PRKCB: variants seen among roughly 807,000 people sequenced by gnomAD.
PRKCB encodes protein kinase C beta type.
In PRKCB, 13 loss-of-function variants were observed where a neutral mutation model predicts 81.5. The ratio of observed to expected loss-of-function variants is 0.16; its 90% confidence interval spans 0.10 to 0.25. The LOEUF is 0.25. PRKCB is among the 10% of genes least tolerant of loss of function. PRKCB has a pLI of 1.00. For missense variants in PRKCB, 509 were observed against 875.7 expected (o/e 0.58, Z 5.29); for synonymous variants, 335 against 321.4 (o/e 1.04, Z -0.45).
chr16:24,189,237 T>C (rs1374051219), intron 15 of PRKCB, among the ~76,000 whole-genome samples: 1 of 152,238 alleles, frequency 6.6e-6, no homozygotes, highest in Non-Finnish European at 1.5e-5. Flanking sequence ...GAGTCCTTAC[T>C]GTTCCTCAAC....
At chr16:24,131,311 GC>G (rs1567386250) in intron 9 of PRKCB, among the ~76,000 whole-genome samples, 1 of 152,290 alleles carries the variant, frequency 6.6e-6, no homozygotes, top group East Asian at 1.9e-4. Context: ...CCCATCTAGT[GC>G]TTGACTTCCC....
chr16:23,867,023 TC>T (rs1218503791), intron 2 of PRKCB, among the ~76,000 whole-genome samples: 2,480 of 95,278 alleles, frequency 0.026, 37 homozygotes, highest in African/African-American at 0.05. Flanking sequence ...CTTCCTTCCT[TC>T]CTTCCTTCCT....
At chr16:24,066,075 C>CTGTG (rs58216806) in intron 5 of PRKCB, among the ~76,000 whole-genome samples, 35,354 of 139,352 alleles carry the variant, frequency 0.25, 4,161 homozygotes, top group Middle Eastern at 0.35. Context: ...TGTGATGTTC[C>CTGTG]TGTGTGTGTG....
intron 5 of PRKCB, among the ~76,000 whole-genome samples, chr16:24,064,189 A>G (rs770837915): frequency 2.6e-5 from 4 of 152,184 alleles, no homozygotes; most frequent in Non-Finnish European, 4.4e-5. Context: ...AAAAAAAATC[A>G]TAGCAAATGG....
chr16:24,060,535 C>T (rs1596532229), intron 5 of PRKCB, among the ~76,000 whole-genome samples: 1 of 152,154 alleles, frequency 6.6e-6, no homozygotes, highest in African/African-American at 2.4e-5. Context: ...ACCAGGATCC[C>T]TCTCTCAGCA....
chr16:24,094,284 A>G lies in PRKCB; in HGVS notation c.808A>G (p.Ser270Gly). ...TGGGATTTCTGAACTTCAGAAAGCC[A>G]GTGTTGATGGCTGGTAAGTAAGATT... ...SFGISELQKA[S>G]VDGWFKLLSQ... Residue 270 changes from serine (S) to glycine (G), a missense_variant, in exon 7 of 17, where the codon AGT (serine) becomes GGT (glycine). Around this residue, in one of 6 missense-constraint regions of PRKCB, gnomAD observed 184 missense variants for 362.9 expected, o/e 0.51. Transcript: ENST00000643927. The G allele has an allele frequency of 2.5e-6, 4 of 1,614,152 alleles. No homozygotes were observed. Among genetic ancestry groups the G allele is most frequent in the Non-Finnish European group, 2.5e-6 (3 of 1,180,008 alleles).
At chr16:23,866,688 T>C (rs1439533823) in intron 2 of PRKCB, among the ~76,000 whole-genome samples, 1 of 152,206 alleles carries the variant, frequency 6.6e-6, no homozygotes, top group Admixed American at 6.5e-5. Context: ...TTTCTCGTGT[T>C]CCTCGGAAGT....
At chr16:24,095,871 C>G (rs1966432155) in intron 7 of PRKCB, among the ~76,000 whole-genome samples, 1 of 152,082 alleles carries the variant, frequency 6.6e-6, no homozygotes. Context: ...CTTGTGACCT[C>G]TGGAATAATG....
At chr16:23,847,396 C>T (rs1437125643) in intron 2 of PRKCB, among the ~76,000 whole-genome samples, 1 of 150,996 alleles carries the variant, frequency 6.6e-6, no homozygotes, top group African/African-American at 2.4e-5. Context: ...ATCTATCTAT[C>T]CATCCATCCA....
chr16:24,103,033 C>T (rs1040065387), intron 7 of PRKCB, among the ~76,000 whole-genome samples: 8 of 152,084 alleles, frequency 5.3e-5, no homozygotes, highest in East Asian at 3.9e-4. Context: ...CCACCACACC[C>T]GGCTAATTTT....
At chr16:24,187,249 G>A (rs1967717046) in intron 15 of PRKCB, among the ~76,000 whole-genome samples, 1 of 152,190 alleles carries the variant, frequency 6.6e-6, no homozygotes, top group South Asian at 2.1e-4. Context: ...GGAAACCATG[G>A]CCCTCTGTAG....
intron 2 of PRKCB, among the ~76,000 whole-genome samples, chr16:23,967,012 A>ATTTT (rs3043607): frequency 6.9e-4 from 101 of 147,314 alleles, no homozygotes; most frequent in African/African-American, 1.0e-3. Flanking sequence ...AGTGGTTTCC[A>ATTTT]TTTTTTTTTT....
At chr16:23,903,213 T>C (rs756643358) in intron 2 of PRKCB, among the ~76,000 whole-genome samples, 3 of 151,820 alleles carry the variant, frequency 2.0e-5, no homozygotes, top group Non-Finnish European at 4.4e-5. Flanking sequence ...AGGACAAAAA[T>C]ACATGGCCCC....
At chr16:24,102,917 G>A (rs370145152) in intron 7 of PRKCB, among the ~76,000 whole-genome samples, 4 of 152,156 alleles carry the variant, frequency 2.6e-5, no homozygotes, top group East Asian at 3.9e-4. Context: ...GTTTTGAGAC[G>A]GAGTTTTGCT....
intron 2 of PRKCB, among the ~76,000 whole-genome samples, chr16:23,959,227 T>C (rs748475597): frequency 3.9e-5 from 6 of 152,206 alleles, no homozygotes; most frequent in Admixed American, 6.5e-5. Context: ...AATCCTGCTG[T>C]GCGCCGAGCT....
chr16:24,182,514 C>A (rs940349945), intron 13 of PRKCB, among the ~76,000 whole-genome samples: 1 of 152,066 alleles, frequency 6.6e-6, no homozygotes, highest in African/African-American at 2.4e-5. Flanking sequence ...GAGCGAGACT[C>A]TGTCTCAAAA....
chr16:24,175,041 T>C (rs1293624191), intron 12 of PRKCB: 1 of 153,308 alleles, frequency 6.5e-6, no homozygotes, highest in Admixed American at 6.5e-5. Flanking sequence ...AAGACAGGAT[T>C]AAGTTCAGGA....
At position 23,950,132 on chromosome 16, in the gene PRKCB, A is replaced by AGGT. The variant is rs55986931; in HGVS notation, c.206-38376_206-38375insGGT. Among the ~76,000 whole-genome samples the AGGT allele has an allele frequency of 3.0e-4, 29 of 97,772 alleles. 1 individual carries two copies. The highest frequency in any genetic ancestry group is 4.3e-4 in the Non-Finnish European group (22 of 51,194). 64.1% of individuals were successfully genotyped at this position (97,772 alleles called of 152,430 possible). A position where few individuals can be genotyped will look rare whatever the true frequency, so the allele number is the denominator to read the frequency against. ...AGCAGCATTGGCCCCTATGATTTGA[A>AGGT]TTTTTTTTTTTTTTTTTTTTTTTTT... On this transcript the variant is annotated intron_variant, in intron 2 of 16. Transcript: ENST00000643927.
intron 6 of PRKCB, 43 bp from the exon 7 acceptor site, chr16:24,094,120 T>C: frequency 6.3e-7 from 1 of 1,591,280 alleles, no homozygotes; most frequent in Admixed American, 1.8e-5. Context: ...GCTTGAGAAA[T>C]TACTACAACC....
Sources: gnomAD v4.1 joint callset for allele counts (sites outside exome capture counted in the v4.1 genomes callset) on GRCh38, gnomAD v4.1.1 for gene constraint, gnomAD v4.1.1 regional missense constraint, MANE v1.5 for transcripts, NCBI Gene and HGNC (gene_info 2026-07-23, HGNC 2026-07-21) for gene names.